Variants in CDKAL1 observed in about 807,000 individuals in gnomAD.
CDKAL1 encodes the protein threonylcarbamoyladenosine tRNA methylthiotransferase.
A neutral mutation model predicts 68.2 loss-of-function variants in CDKAL1; 32 were observed. The ratio of observed to expected loss-of-function variants is 0.47; its 90% CI spans 0.35 to 0.63. The LOEUF is 0.63. CDKAL1 is among the 30% of genes least tolerant of loss of function. The probability of loss-of-function intolerance (pLI) is 0.00; values close to 1 mark genes in which losing one functional copy is unlikely to be tolerated. For synonymous variants in CDKAL1, 234 were observed against 244.3 expected (o/e 0.96, Z 0.39); for missense variants, 606 against 696.7 (o/e 0.87, Z 1.47).
At chr6:21,054,054 C>A (rs918695405) in intron 11 of CDKAL1, among the ~76,000 whole-genome samples, 1 of 152,092 alleles carries the variant, frequency 6.6e-6, no homozygotes, top group Non-Finnish European at 1.5e-5. Flanking sequence ...GATTTCCTCC[C>A]ATATTTTCTT....
At chr6:20,662,271 T>C (rs1231515408) in intron 5 of CDKAL1, among the ~76,000 whole-genome samples, 1 of 152,180 alleles carries the variant, frequency 6.6e-6, no homozygotes, top group Admixed American at 6.6e-5. Flanking sequence ...TTCTTACTTA[T>C]GGTTACACTT....
intron 9 of CDKAL1, among the ~76,000 whole-genome samples, chr6:20,894,344 A>G (rs1761561804): frequency 1.3e-5 from 2 of 151,594 alleles, no homozygotes; most frequent in South Asian, 2.1e-4. Context: ...TAAATTTACC[A>G]GTACTAGAAC....
intron 4 of CDKAL1, among the ~76,000 whole-genome samples, chr6:20,587,198 G>C (rs1452588925): frequency 6.6e-6 from 1 of 151,990 alleles, no homozygotes; most frequent in African/African-American, 2.4e-5. Context: ...TTTTGGCCAA[G>C]CTGATCTCGA....
intron 14 of CDKAL1, among the ~76,000 whole-genome samples, chr6:21,199,353 C>T (rs968765079): frequency 1.3e-5 from 2 of 152,206 alleles, no homozygotes; most frequent in African/African-American, 4.8e-5. Context: ...CCGGTGGAGA[C>T]TGCAGTTGAG....
At chr6:20,999,513 C>T (rs965665918) in intron 10 of CDKAL1, among the ~76,000 whole-genome samples, 11 of 151,814 alleles carry the variant, frequency 7.2e-5, no homozygotes, top group African/African-American at 1.5e-4. Flanking sequence ...TGGCAAGATA[C>T]GTTCTTCTTA....
chr6:20,657,053 A>G (rs1287896009), intron 5 of CDKAL1, among the ~76,000 whole-genome samples: 1 of 152,206 alleles, frequency 6.6e-6, no homozygotes, highest in African/African-American at 2.4e-5. Flanking sequence ...ACATTTATAC[A>G]TATAAAATCT....
chr6:20,670,835 C>G (rs566385712), intron 5 of CDKAL1, among the ~76,000 whole-genome samples: 2 of 152,286 alleles, frequency 1.3e-5, no homozygotes, highest in East Asian at 3.9e-4. Context: ...CCTGGGAACT[C>G]TGCATCAGTT....
At chr6:20,869,953 C>A (rs532074227) in intron 9 of CDKAL1, among the ~76,000 whole-genome samples, 1 of 152,052 alleles carries the variant, frequency 6.6e-6, no homozygotes, top group Admixed American at 6.6e-5. Flanking sequence ...AGTGATTTCA[C>A]GATTTCTTTA....
intron 5 of CDKAL1, among the ~76,000 whole-genome samples, chr6:20,659,931 T>C (rs1369769412): frequency 6.6e-6 from 1 of 152,204 alleles, no homozygotes; most frequent in Non-Finnish European, 1.5e-5. Context: ...CTATAGAATT[T>C]TACTTCCTCC....
intron 8 of CDKAL1, among the ~76,000 whole-genome samples, chr6:20,840,897 T>G (rs758799269): frequency 2.2e-4 from 33 of 152,216 alleles, no homozygotes; most frequent in Non-Finnish European, 4.0e-4. Flanking sequence ...GGGTTTTTGT[T>G]TTTTCTTCAC....
At chr6:20,597,754 A>G (rs181475519) in intron 4 of CDKAL1, among the ~76,000 whole-genome samples, 30 of 152,252 alleles carry the variant, frequency 2.0e-4, no homozygotes, top group Non-Finnish European at 3.4e-4. Context: ...CAGTTTTTAT[A>G]ATTTTCTCTC....
chr6:20,595,516 C>T (rs957532769), intron 4 of CDKAL1, among the ~76,000 whole-genome samples: 2 of 152,070 alleles, frequency 1.3e-5, no homozygotes, highest in Non-Finnish European at 2.9e-5. Context: ...TGTTTTTCAG[C>T]TCCATCAGGT....
At chr6:21,214,330 C>T (rs1330993563) in intron 15 of CDKAL1, among the ~76,000 whole-genome samples, 2 of 151,026 alleles carry the variant, frequency 1.3e-5, no homozygotes, top group African/African-American at 4.9e-5. Flanking sequence ...TATATATATA[C>T]ATACCATATA....
intron 9 of CDKAL1, among the ~76,000 whole-genome samples, chr6:20,931,700 C>T (rs1026904159): frequency 2.6e-5 from 4 of 152,126 alleles, no homozygotes; most frequent in Non-Finnish European, 5.9e-5. Context: ...TCCTTTCTGC[C>T]TCATGCCTTT....
At chr6:20,801,380 C>T (rs935488671) in intron 8 of CDKAL1, among the ~76,000 whole-genome samples, 8 of 152,236 alleles carry the variant, frequency 5.3e-5, no homozygotes, top group Middle Eastern at 3.4e-3. Flanking sequence ...ACAGCAAAGT[C>T]GAAAAAATTT....
intron 9 of CDKAL1, among the ~76,000 whole-genome samples, chr6:20,937,956 A>G (rs1226645617): frequency 1.3e-5 from 2 of 151,922 alleles, no homozygotes; most frequent in African/African-American, 2.4e-5. Context: ...TTTAGCATCC[A>G]TGGATGATCC....
In CDKAL1 at chr6:20,564,003, A is replaced by G. The variant is rs191518545; in HGVS notation, c.286+15298A>G. Among the ~76,000 whole-genome samples the G allele has an allele frequency of 3.1e-3, 468 of 152,322 alleles. 8 individuals are homozygous for G. The South Asian group carries it at 0.04, about 13-fold the overall frequency. On this transcript the variant is annotated intron_variant, in intron 4 of 15. Transcript: ENST00000274695. ...TTTTAACTGAGGGATTTTGGGATCA[A>G]TTACTAAAATGTTCTGAGCCTCAGT...
chr6:20,771,503 T>C lies in CDKAL1; in HGVS notation c.518-9642T>C, dbSNP rs552258702. Among the ~76,000 whole-genome samples, 5 of 152,332 alleles carry C rather than the reference T, an allele frequency of 3.3e-5. No homozygotes were observed. In the South Asian group the frequency reaches 1.0e-3, roughly 32 times the overall value. ...AGCCTTTACTGCTTCCCATCTCTTCTGTCACACTTTATGGTGGCTTGAGTT... is the reference window on the plus strand; with the variant it reads ...AGCCTTTACTGCTTCCCATCTCTTCCGTCACACTTTATGGTGGCTTGAGTT... On this transcript the variant is annotated intron_variant, in intron 7 of 15. Transcript: ENST00000274695.
intron 9 of CDKAL1, among the ~76,000 whole-genome samples, chr6:20,944,361 C>G (rs1041915187): frequency 8.7e-6 from 1 of 114,414 alleles, no homozygotes; most frequent in African/African-American, 2.6e-5. Context: ...ACAGTATGTC[C>G]TTTTTGAGAC....
Sources: allele counts gnomAD v4.1 joint callset (sites outside exome capture counted in the v4.1 genomes callset), GRCh38; gene constraint gnomAD v4.1.1; transcripts MANE v1.5; gene names NCBI Gene and HGNC (gene_info 2026-07-23, HGNC 2026-07-21).